AKAP6: variants seen among roughly 807,000 people sequenced by gnomAD.
AKAP6 encodes A-kinase anchoring protein 6.
AKAP6 carries 58 observed loss-of-function variants against 188.5 expected under a neutral mutation model. The ratio of observed to expected loss-of-function variants is 0.31; its 90% CI spans 0.25 to 0.38. The LOEUF (loss-of-function observed/expected upper bound fraction) is 0.38. Ranked by LOEUF, AKAP6 falls within the 10% of genes least tolerant of loss-of-function variation. AKAP6 has a pLI of 1.00. For synonymous variants in AKAP6, 989 were observed against 998.6 expected, an observed-to-expected ratio of 0.99 and a Z score of 0.18; for missense variants, 2,710 against 2,740.0, an observed-to-expected ratio of 0.99 and a Z score of 0.24.
At chr14:32,448,162 A>G (rs1373718503) in intron 2 of AKAP6, among the ~76,000 whole-genome samples, 1 of 152,152 alleles carries the variant, frequency 6.6e-6, no homozygotes, top group Non-Finnish European at 1.5e-5. Flanking sequence ...TCCACATCTT[A>G]TTACTAACTT....
chr14:32,366,145 C>G (rs1320254732), intron 1 of AKAP6, among the ~76,000 whole-genome samples: 1 of 152,146 alleles, frequency 6.6e-6, no homozygotes, highest in Non-Finnish European at 1.5e-5. Context: ...CTCTTTCCTA[C>G]CCTTCCTTGT....
chr14:32,741,819 G>GTT (rs34015837), intron 11 of AKAP6, among the ~76,000 whole-genome samples: 1,325 of 70,704 alleles, frequency 0.019, 146 homozygotes, highest in Non-Finnish European at 0.023. Context: ...TAGCCTGTAG[G>GTT]TTTTTTTTTT....
At position 32,488,955 on chromosome 14, in the gene AKAP6, C is replaced by T. The variant is rs1008135820; in HGVS notation, c.325-46599C>T. Among the ~76,000 whole-genome samples, 22 of 152,308 alleles carry T rather than the reference C, an allele frequency of 1.4e-4. 1 individual carries two copies. In the South Asian group the frequency reaches 1.5e-3, roughly 10 times the overall value. On this transcript the variant is annotated intron_variant, in intron 2 of 13. Coordinates refer to ENST00000280979, the MANE Select transcript of AKAP6 (RefSeq NM_004274.5). ...ACTACAGACTGGAGCTGTTCCTATT[C>T]GGCCATCTTTCCCGGTAATCCCCTG... is the stretch of plus-strand genomic sequence containing the variant.
At chr14:32,561,582 A>G (rs1883956545) in intron 4 of AKAP6, among the ~76,000 whole-genome samples, 1 of 152,286 alleles carries the variant, frequency 6.6e-6, no homozygotes, top group African/African-American at 2.4e-5. Context: ...AGTTTCCCTT[A>G]GAAGATCCTA....
At chr14:32,693,016 C>T (rs1017873339) in intron 8 of AKAP6, among the ~76,000 whole-genome samples, 1 of 152,116 alleles carries the variant, frequency 6.6e-6, no homozygotes, top group African/African-American at 2.4e-5. Flanking sequence ...TTCAGATTTT[C>T]TATTTGTCTC....
intron 9 of AKAP6, among the ~76,000 whole-genome samples, chr14:32,706,752 GGAA>G (rs1305531136): frequency 1.3e-5 from 2 of 152,068 alleles, no homozygotes; most frequent in Non-Finnish European, 1.5e-5. Flanking sequence ...AAGCAAAGAA[GGAA>G]GGAGTGGTCT....
intron 2 of AKAP6, 51 bp downstream of exon 2, chr14:32,433,868 G>A (rs1890298155): frequency 5.9e-6 from 9 of 1,527,760 alleles, no homozygotes; most frequent in Admixed American, 1.8e-5. Flanking sequence ...AAAAGGCTGT[G>A]GCACCTAGAG....
intron 4 of AKAP6, among the ~76,000 whole-genome samples, chr14:32,550,102 A>G (rs1883387071): frequency 6.6e-6 from 1 of 152,236 alleles, no homozygotes; most frequent in Non-Finnish European, 1.5e-5. Context: ...GGCATATTCC[A>G]TTCTGAGCCT....
At chr14:32,786,296 A>ATGGTTTTTTTTTTT in intron 12 of AKAP6, among the ~76,000 whole-genome samples, 1 of 93,704 alleles carries the variant, frequency 1.1e-5, no homozygotes, top group African/African-American at 4.1e-5. Context: ...CTAAACCTTT[A>ATGGTTTTTTTTTTT]TCTTTTTTTT....
At chr14:32,345,340 A>T (rs754791581) in intron 1 of AKAP6, among the ~76,000 whole-genome samples, 7 of 152,226 alleles carry the variant, frequency 4.6e-5, no homozygotes, top group African/African-American at 7.2e-5. Context: ...CTCTCAAGGA[A>T]CAAAATTGCC....
chr14:32,823,226 T>C lies in AKAP6; in HGVS notation c.5413T>C (p.Trp1805Arg). 1 of 1,613,724 alleles carries C rather than the reference T, an allele frequency of 6.2e-7. No homozygotes were observed. Among genetic ancestry groups the C allele is most frequent in the Non-Finnish European group, 8.5e-7 (1 of 1,179,882 alleles). ...LDYIKNELQT[W>R]IRPKLSLTRD... The stretch of plus-strand genomic sequence containing the variant: ...CTACATAAAGAATGAATTACAGACC[T>C]GGATTAGGCCAAAATTGTCTTTGAC... Residue 1805 changes from tryptophan to arginine, a missense_variant, in exon 13 of 14, where the codon TGG (tryptophan) becomes CGG (arginine). Transcript: ENST00000280979.
chr14:32,634,924 G>A (rs1887422861), intron 7 of AKAP6, among the ~76,000 whole-genome samples: 1 of 151,388 alleles, frequency 6.6e-6, no homozygotes, highest in Non-Finnish European at 1.5e-5. Flanking sequence ...AAGTTTTTGG[G>A]GAACGGGTGG....
At chr14:32,352,097 G>T (rs11156738) in intron 1 of AKAP6, among the ~76,000 whole-genome samples, 190 of 105,922 alleles carry the variant, frequency 1.8e-3, no homozygotes, top group East Asian at 8.2e-3. Flanking sequence ...GTGTGTGTGT[G>T]TGTGTTTGTG....
At chr14:32,444,482 A>G (rs1167618361) in intron 2 of AKAP6, among the ~76,000 whole-genome samples, 2 of 152,212 alleles carry the variant, frequency 1.3e-5, no homozygotes, top group East Asian at 3.8e-4. Flanking sequence ...CACTTTAACA[A>G]TGTGGCTGTT....
chr14:32,510,418 A>ATGTG (rs1486281880), intron 2 of AKAP6, among the ~76,000 whole-genome samples: 3 of 104,394 alleles, frequency 2.9e-5, no homozygotes, highest in African/African-American at 1.3e-4. Context: ...ATATATGTAT[A>ATGTG]TATATACATA....
intron 11 of AKAP6, among the ~76,000 whole-genome samples, chr14:32,762,408 T>C (rs1238717382): frequency 2.0e-5 from 3 of 152,144 alleles, no homozygotes; most frequent in African/African-American, 4.8e-5. Flanking sequence ...TAATTACATG[T>C]GAATATGAAC....
intron 3 of AKAP6, among the ~76,000 whole-genome samples, chr14:32,539,494 C>A (rs1005655625): frequency 1.3e-5 from 2 of 151,992 alleles, no homozygotes; most frequent in Non-Finnish European, 2.9e-5. Flanking sequence ...TCCCACAGCA[C>A]ATAGTTCATA....
At chr14:32,787,516 AC>A (rs76809877) in intron 12 of AKAP6, among the ~76,000 whole-genome samples, 25,379 of 151,582 alleles carry the variant, frequency 0.17, 2,317 homozygotes, top group East Asian at 0.26. Context: ...TCTAGATTTC[AC>A]CCCCCCCAAA....
chr14:32,602,860 G>A (rs908393729), intron 7 of AKAP6, among the ~76,000 whole-genome samples: 1 of 152,198 alleles, frequency 6.6e-6, no homozygotes, highest in Non-Finnish European at 1.5e-5. Context: ...CAGAGCCCGT[G>A]TTCATCACCA....
Sources: allele counts gnomAD v4.1 joint callset (sites outside exome capture counted in the v4.1 genomes callset), GRCh38; gene constraint gnomAD v4.1.1; transcripts MANE v1.5; gene names NCBI Gene and HGNC (gene_info 2026-07-23, HGNC 2026-07-21).